The following IPCEF1 variants were observed in gnomAD, a reference collection of about 807,000 sequenced individuals.
IPCEF1 encodes interactor protein for cytohesin exchange factors 1.
A neutral mutation model predicts 50.9 loss-of-function variants in IPCEF1; 31 were observed. The observed-to-expected ratio is 0.61, with a 90% CI of 0.46 to 0.82. The LOEUF is 0.82. IPCEF1 is among the 40% of genes least tolerant of loss of function. The pLI is 0.00. For missense variants in IPCEF1, 458 were observed against 514.0 expected, an observed-to-expected ratio of 0.89 and a Z score of 1.05; for synonymous variants, 181 against 192.0, an observed-to-expected ratio of 0.94 and a Z score of 0.47.
chr6:154,172,334 G>T (rs1225530980), intron 10 of IPCEF1, among the ~76,000 whole-genome samples: 1 of 152,196 alleles, frequency 6.6e-6, no homozygotes, highest in Non-Finnish European at 1.5e-5. Context: ...GCAGGGCTGG[G>T]TGTCACCTCA....
intron 10 of IPCEF1, among the ~76,000 whole-genome samples, chr6:154,197,779 G>A (rs1217696955): frequency 1.3e-5 from 2 of 152,188 alleles, no homozygotes; most frequent in African/African-American, 2.4e-5. Flanking sequence ...GAATGCAAAT[G>A]GGATTTTATT....
chr6:154,235,870 C>T lies in IPCEF1; in HGVS notation c.246+10721G>A, dbSNP rs375750473. Among the ~76,000 whole-genome samples, 4 of 152,044 alleles carry T rather than the reference C, an allele frequency of 2.6e-5. No individual in the cohort carries two copies. The East Asian group carries it at 5.8e-4, about 22-fold the overall frequency. ...TGGTACCTCACAGCCATTAGGATGG[C>T]GACTGTAAATAATTAATTAATTAAG... On this transcript the variant is annotated intron_variant, in intron 5 of 11. Transcript: ENST00000367220.
intron 1 of IPCEF1, among the ~76,000 whole-genome samples, chr6:154,317,548 C>CAAAAAA (rs71021041): frequency 1.2e-4 from 2 of 16,314 alleles, no homozygotes; most frequent in African/African-American, 6.0e-4. Flanking sequence ...GACTCCATCT[C>CAAAAAA]AAAAAAAAAA....
chr6:154,182,779 G>A (rs571099506), intron 10 of IPCEF1, among the ~76,000 whole-genome samples: 31 of 152,162 alleles, frequency 2.0e-4, no homozygotes, highest in African/African-American at 6.5e-4. Flanking sequence ...ACCATAACCC[G>A]CTGGATCCAT....
At chr6:154,307,694 A>G (rs184167161) in intron 1 of IPCEF1, among the ~76,000 whole-genome samples, 2 of 152,332 alleles carry the variant, frequency 1.3e-5, no homozygotes, top group Admixed American at 1.3e-4. Context: ...TAGACAATTT[A>G]TTTAGATTTC....
chr6:154,192,537 T>C (rs921647998), intron 10 of IPCEF1, among the ~76,000 whole-genome samples: 1 of 152,162 alleles, frequency 6.6e-6, no homozygotes, highest in Non-Finnish European at 1.5e-5. Context: ...AAAAAGCTTC[T>C]GCACAGCAAA....
intron 1 of IPCEF1, among the ~76,000 whole-genome samples, chr6:154,327,921 G>C (rs967262081): frequency 3.3e-5 from 5 of 152,240 alleles, no homozygotes; most frequent in Admixed American, 2.0e-4. Context: ...TCCTTTGTAG[G>C]GATATGGATG....
chr6:154,210,510 AC>A (rs1463019902), intron 9 of IPCEF1, among the ~76,000 whole-genome samples: 5 of 152,314 alleles, frequency 3.3e-5, no homozygotes, highest in African/African-American at 1.2e-4. Flanking sequence ...TTTTTTGAAG[AC>A]CTATTCAATA....
At chr6:154,352,328 T>C (rs990515635) in intron 1 of IPCEF1, among the ~76,000 whole-genome samples, 12 of 152,240 alleles carry the variant, frequency 7.9e-5, no homozygotes. Context: ...GGGAATCCTA[T>C]CTTGCTGCTG....
rs1798774719 is a variant in IPCEF1, at chr6:154,157,769, T to A, written c.*2059A>T. ...CTATTGTTATTTGTTGTTCCTTCAA[T>A]ACTCTTTACATTGCCAATCCTAAAT... is the stretch of plus-strand genomic sequence containing the variant. On this transcript the variant is annotated 3_prime_UTR_variant, in exon 12 of 12. Coordinates refer to ENST00000367220, the MANE Select transcript of IPCEF1 (RefSeq NM_001130700.2). The A allele has an allele frequency of 6.6e-6, 1 of 152,262 alleles. No individual in the cohort carries two copies. Among genetic ancestry groups the A allele is most frequent in the African/African-American group, 2.4e-5 (1 of 41,476 alleles). 9.4% of individuals were successfully genotyped at this position (152,262 alleles called of 1,614,324 possible). A position where few individuals can be genotyped will look rare whatever the true frequency, so the allele number is the denominator to read the frequency against.
intron 9 of IPCEF1, among the ~76,000 whole-genome samples, chr6:154,209,153 A>C (rs891234944): frequency 6.6e-6 from 1 of 152,228 alleles, no homozygotes; most frequent in Non-Finnish European, 1.5e-5. Flanking sequence ...AAATATTTTC[A>C]AGATTTTAAA....
intron 2 of IPCEF1, among the ~76,000 whole-genome samples, chr6:154,286,959 G>A (rs1037984932): frequency 9.2e-5 from 14 of 152,180 alleles, no homozygotes; most frequent in African/African-American, 2.7e-4. Flanking sequence ...ACTGGATCAC[G>A]GGGGTGGATT....
At chr6:154,262,163 T>C (rs1781616876) in intron 3 of IPCEF1, among the ~76,000 whole-genome samples, 1 of 151,866 alleles carries the variant, frequency 6.6e-6, no homozygotes, top group Non-Finnish European at 1.5e-5. Flanking sequence ...AACGGAAAAA[T>C]AGACACACGA....
At chr6:154,255,137 C>T (rs780527049) in intron 3 of IPCEF1, among the ~76,000 whole-genome samples, 1 of 151,918 alleles carries the variant, frequency 6.6e-6, no homozygotes, top group Non-Finnish European at 1.5e-5. Flanking sequence ...CACAAGTTTT[C>T]CTATTTCTGG....
chr6:154,352,939 G>C (rs1315594653), intron 1 of IPCEF1, among the ~76,000 whole-genome samples: 1 of 152,154 alleles, frequency 6.6e-6, no homozygotes, highest in Non-Finnish European at 1.5e-5. Flanking sequence ...CTGACAAATT[G>C]ACTATTGCAT....
chr6:154,334,687 C>G (rs1783752034), intron 1 of IPCEF1, among the ~76,000 whole-genome samples: 1 of 152,358 alleles, frequency 6.6e-6, no homozygotes, highest in Middle Eastern at 3.4e-3. Flanking sequence ...ACCTAAAGTT[C>G]AAGCCTCAGC....
At chr6:154,269,836 T>G (rs1781858552) in intron 2 of IPCEF1, among the ~76,000 whole-genome samples, 1 of 152,240 alleles carries the variant, frequency 6.6e-6, no homozygotes, top group South Asian at 2.1e-4. Context: ...TACGTACTTT[T>G]GATTGTTTGG....
intron 8 of IPCEF1, among the ~76,000 whole-genome samples, chr6:154,213,622 G>A (rs746947938): frequency 2.2e-4 from 34 of 152,118 alleles, no homozygotes; most frequent in Non-Finnish European, 3.7e-4. Flanking sequence ...TGTGGTCTGG[G>A]CATTTCAGAA....
chr6:154,196,001 A>T (rs1265113277), intron 10 of IPCEF1, among the ~76,000 whole-genome samples: 2 of 152,014 alleles, frequency 1.3e-5, no homozygotes, highest in Non-Finnish European at 2.9e-5. Flanking sequence ...TATGTTGGCC[A>T]GGCTGGTCTC....
Sources: gnomAD v4.1 joint callset for allele counts (sites outside exome capture counted in the v4.1 genomes callset) on GRCh38, gnomAD v4.1.1 for gene constraint, MANE v1.5 for transcripts, NCBI Gene and HGNC (gene_info 2026-07-23, HGNC 2026-07-21) for gene names.